SUSD6: variants seen among roughly 807,000 people sequenced by gnomAD.
SUSD6 encodes sushi domain-containing protein 6.
In SUSD6, 16 loss-of-function variants were observed where a neutral mutation model predicts 28.4. That is an observed-to-expected ratio of 0.56 (90% CI 0.38 to 0.86). The LOEUF is 0.86. SUSD6 is among the 40% of genes least tolerant of loss of function. The probability of loss-of-function intolerance (pLI) is 0.00; values close to 1 mark genes in which losing one functional copy is unlikely to be tolerated. For synonymous variants in SUSD6, 147 were observed against 159.6 expected (o/e 0.92, Z 0.59); for missense variants, 341 against 384.2 (o/e 0.89, Z 0.94).
At chr14:69,691,755 C>G (rs2139637497) in intron 2 of SUSD6, among the ~76,000 whole-genome samples, 1 of 152,222 alleles carries the variant, frequency 6.6e-6, no homozygotes, top group East Asian at 1.9e-4. Context: ...GTCTTGTGTT[C>G]TCAGCCAGGC....
At chr14:69,639,954 C>CTTTTTTTTTT (rs1555343334) in intron 1 of SUSD6, among the ~76,000 whole-genome samples, 11 of 45,638 alleles carry the variant, frequency 2.4e-4, no homozygotes, top group South Asian at 1.9e-3. Context: ...GGCACCTACA[C>CTTTTTTTTTT]TGTTTTTTTT....
chr14:69,656,294 T>C (rs1481636283), intron 1 of SUSD6, among the ~76,000 whole-genome samples: 2 of 151,506 alleles, frequency 1.3e-5, no homozygotes, highest in Non-Finnish European at 2.9e-5. Context: ...CACTACCTTA[T>C]GTGGCCTCAT....
chr14:69,652,931 A>G (rs909786651), intron 1 of SUSD6, among the ~76,000 whole-genome samples: 1 of 152,224 alleles, frequency 6.6e-6, no homozygotes, highest in East Asian at 1.9e-4. Context: ...GGCTAAGACA[A>G]TAAACATAAG....
intron 1 of SUSD6, among the ~76,000 whole-genome samples, chr14:69,624,834 A>G (rs1400431653): frequency 6.6e-6 from 1 of 152,164 alleles, no homozygotes; most frequent in Non-Finnish European, 1.5e-5. Flanking sequence ...CAAAATTTTG[A>G]TTATTGCCTG....
chr14:69,639,147 T>G (rs1314917010), intron 1 of SUSD6, among the ~76,000 whole-genome samples: 1 of 151,680 alleles, frequency 6.6e-6, no homozygotes, highest in Non-Finnish European at 1.5e-5. Context: ...GCTAACACGG[T>G]GAAACCCCGT....
intron 2 of SUSD6, among the ~76,000 whole-genome samples, chr14:69,664,446 C>G (rs552479986): frequency 6.6e-6 from 1 of 152,300 alleles, no homozygotes; most frequent in Non-Finnish European, 1.5e-5. Flanking sequence ...AAAGCATCTT[C>G]CTGTCAGCTG....
chr14:69,626,634 C>G (rs371043377), intron 1 of SUSD6, among the ~76,000 whole-genome samples: 1 of 152,012 alleles, frequency 6.6e-6, no homozygotes, highest in East Asian at 1.9e-4. Flanking sequence ...TATGAGGGTG[C>G]CTACCTATGA....
intron 2 of SUSD6, among the ~76,000 whole-genome samples, chr14:69,694,883 G>A (rs1420247560): frequency 6.6e-6 from 1 of 152,168 alleles, no homozygotes; most frequent in East Asian, 1.9e-4. Context: ...GGAGGGCTTA[G>A]GTTGAGCCTC....
At chr14:69,688,348 T>G (rs1261836889) in intron 2 of SUSD6, among the ~76,000 whole-genome samples, 1 of 152,224 alleles carries the variant, frequency 6.6e-6, no homozygotes, top group Admixed American at 6.5e-5. Flanking sequence ...TCCTCTGTTC[T>G]AGGCAGTTAT....
intron 2 of SUSD6, among the ~76,000 whole-genome samples, chr14:69,686,970 A>G (rs1386114904): frequency 6.6e-6 from 1 of 152,070 alleles, no homozygotes; most frequent in Non-Finnish European, 1.5e-5. Flanking sequence ...CATTTAGCCT[A>G]TGATTTTGTT....
intron 2 of SUSD6, among the ~76,000 whole-genome samples, chr14:69,674,399 C>T (rs1219875458): frequency 6.6e-6 from 1 of 152,214 alleles, no homozygotes; most frequent in Non-Finnish European, 1.5e-5. Context: ...CCTTTGCCCT[C>T]CTCGCTTCCA....
rs376306418 is a variant in SUSD6 at position 69,658,670 on chromosome 14, G to A, written c.78G>A (p.Pro26=). 231 of 1,613,942 alleles carry A rather than the reference G, an allele frequency of 1.4e-4. No individual in the cohort carries two copies. The highest frequency in any genetic ancestry group is 2.5e-4 in the Admixed American group (15 of 60,000). ...CCGTGGGACATGGAGTGTTCCTTCCGCTAGTGATCCTTTGCACCCTGCTTG... is the reference window on the plus strand; with the variant it reads ...CCGTGGGACATGGAGTGTTCCTTCCACTAGTGATCCTTTGCACCCTGCTTG... ...VASVGHGVFL[P]LVILCTLLGD... is the part of the protein sequence containing the mutation. Residue 26 remains proline, a synonymous_variant, in exon 2 of 6, where the codon CCG becomes CCA. Transcript: ENST00000342745.
intron 1 of SUSD6, among the ~76,000 whole-genome samples, chr14:69,618,675 T>G (rs1018962911): frequency 1.3e-5 from 2 of 152,196 alleles, no homozygotes; most frequent in African/African-American, 4.8e-5. Flanking sequence ...TCTAGAAAGT[T>G]CCCTCCTGTG....
At chr14:69,707,867 A>C (rs966383380) in intron 4 of SUSD6, among the ~76,000 whole-genome samples, 2 of 152,224 alleles carry the variant, frequency 1.3e-5, no homozygotes, top group African/African-American at 4.8e-5. Flanking sequence ...GATTTTCCTG[A>C]AAGTCTGGAT....
At chr14:69,710,916 A>C (rs201041939) in intron 5 of SUSD6, 38 bp from the exon 6 acceptor site, 21 of 1,611,376 alleles carry the variant, frequency 1.3e-5, no homozygotes, top group Non-Finnish European at 1.5e-5. Context: ...AGTTCCACAC[A>C]AGGTAACCAC....
intron 1 of SUSD6, among the ~76,000 whole-genome samples, chr14:69,621,008 C>T (rs1885029738): frequency 6.6e-6 from 1 of 152,080 alleles, no homozygotes; most frequent in Non-Finnish European, 1.5e-5. Context: ...GCTTTACAAC[C>T]TGCTGGGGAC....
At chr14:69,692,360 G>A (rs1354511566) in intron 2 of SUSD6, among the ~76,000 whole-genome samples, 1 of 151,964 alleles carries the variant, frequency 6.6e-6, no homozygotes, top group East Asian at 1.9e-4. Context: ...ATTTTTTTCT[G>A]GTGGCATCAG....
chr14:69,619,261 T>C (rs1213807628), intron 1 of SUSD6, among the ~76,000 whole-genome samples: 1 of 151,584 alleles, frequency 6.6e-6, no homozygotes, highest in Non-Finnish European at 1.5e-5. Context: ...ACAAAGGCAG[T>C]GAGTCATTAA....
chr14:69,670,776 C>T (rs1006983807), intron 2 of SUSD6, among the ~76,000 whole-genome samples: 2 of 152,234 alleles, frequency 1.3e-5, no homozygotes, highest in African/African-American at 4.8e-5. Context: ...AGGTACAGCC[C>T]GCTGTTGCGG....
Sources: allele counts gnomAD v4.1 joint callset (sites outside exome capture counted in the v4.1 genomes callset), GRCh38; gene constraint gnomAD v4.1.1; transcripts MANE v1.5; gene names NCBI Gene and HGNC (gene_info 2026-07-23, HGNC 2026-07-21).